PDZD9: variants seen among roughly 807,000 people sequenced by gnomAD.
PDZD9 encodes PDZ domain-containing protein 9.
PDZD9 carries 13 observed loss-of-function variants against 16.3 expected under a neutral mutation model. The ratio of observed to expected loss-of-function variants is 0.80; its 90% confidence interval spans 0.52 to 1.27. The LOEUF is 1.27. Among genes scored for constraint, PDZD9 ranks in the 50% most tolerant of loss-of-function variants. The probability of loss-of-function intolerance (pLI) is 0.00; values close to 1 mark genes in which losing one functional copy is unlikely to be tolerated. For missense variants in PDZD9, 288 were observed against 310.9 expected, an observed-to-expected ratio of 0.93 and a Z score of 0.55; for synonymous variants, 120 against 111.0, an observed-to-expected ratio of 1.08 and a Z score of -0.51.
At chr16:21,971,466 T>C in the PDZD9 span, 4 of 1,371,330 alleles carry the variant, frequency 2.9e-6, no homozygotes, top group African/African-American at 1.5e-5. Context: ...GAAAAAATAT[T>C]TTACGATTGT....
downstream of PDZD9, chr16:21,983,097 A>T: frequency 6.2e-7 from 1 of 1,613,446 alleles, no homozygotes; most frequent in Non-Finnish European, 8.5e-7. Flanking sequence ...GGCGGCAAAG[A>T]AGTTTGTTTC....
downstream of PDZD9, chr16:21,983,249 C>CT: frequency 1.6e-6 from 2 of 1,282,424 alleles, no homozygotes; most frequent in Non-Finnish European, 2.2e-6. Context: ...TCAGAAGTCT[C>CT]TAATATATCA....
At chr16:21,958,834 G>C in the PDZD9 span, among the ~76,000 whole-genome samples, 2 of 152,144 alleles carry the variant, frequency 1.3e-5, no homozygotes, top group Non-Finnish European at 2.9e-5. Context: ...AGATGTTGCA[G>C]GTTCTGTTCC....
downstream of PDZD9, chr16:21,983,377 TAATC>T (rs1898784983): frequency 1.9e-6 from 1 of 530,020 alleles, no homozygotes; most frequent in East Asian, 3.1e-5. Flanking sequence ...CTCAATGAGT[TAATC>T]AACAAGTATT....
intron 2 of PDZD9, among the ~76,000 whole-genome samples, chr16:21,991,600 A>C (rs1346734587): frequency 1.3e-5 from 2 of 152,198 alleles, no homozygotes; most frequent in Admixed American, 6.5e-5. Context: ...AAAGGAACTA[A>C]AAGTTTAGCC....
At chr16:21,977,018 C>T in the PDZD9 span, 2 of 151,904 alleles carry the variant, frequency 1.3e-5, no homozygotes, top group Admixed American at 6.6e-5. Flanking sequence ...ATAAACATAA[C>T]GAAAGACTCC....
In PDZD9 at chr16:21,984,468, T is replaced by C; in HGVS notation, c.594A>G (p.Val198=). 8 of 1,613,638 alleles carry C rather than the reference T, an allele frequency of 5.0e-6. No homozygotes were observed. Among genetic ancestry groups the C allele is most frequent in the Non-Finnish European group, 6.8e-6 (8 of 1,179,530 alleles). The change falls in exon 4 of 4, where the codon GTA becomes GTG. Residue 198 remains valine, a synonymous_variant. Transcript: ENST00000424898. The part of the protein sequence containing the change: ...GYKKKNHTIS[V]GKDINCDVMI... ...TCACGTCACAATTAATGTCTTTTCC[T>C]ACACTAATAGTATGGTTCTTCTTCT...
chr16:21,996,261 G>C, intron 2 of PDZD9, 61 bp downstream of exon 2: 1 of 1,457,996 alleles, frequency 6.9e-7, no homozygotes, highest in Middle Eastern at 2.4e-4. Context: ...GGTGACCCGA[G>C]TCACCCTGCA....
chr16:21,989,852 A>G (rs537943025), intron 2 of PDZD9, among the ~76,000 whole-genome samples: 62 of 152,240 alleles, frequency 4.1e-4, no homozygotes, highest in African/African-American at 1.4e-3. Context: ...GAAGGAAGCT[A>G]AAAAGACCAA....
chr16:21,984,260 A>G lies in PDZD9; in HGVS notation c.*7T>C, dbSNP rs1445511327. 1.5e-5 allele frequency: 24 copies of G among 1,601,764 alleles called. No homozygotes were observed. The Admixed American group carries it at 4.1e-4, about 27-fold the overall frequency. ...GCAAGATAAATGCTCATATGACCAC[A>G]GATTTGCTAACCAACCTTTGATACC... On this transcript the variant is annotated 3_prime_UTR_variant, in exon 4 of 4. Transcript: ENST00000424898.
chr16:21,962,882 A>G, the PDZD9 span: 4 of 1,613,872 alleles, frequency 2.5e-6, no homozygotes, highest in Non-Finnish European at 3.4e-6. Flanking sequence ...GAATCCGCAG[A>G]CTCGTAAGTA....
At chr16:21,968,619 C>T in the PDZD9 span, 3 of 1,598,388 alleles carry the variant, frequency 1.9e-6, no homozygotes, top group Admixed American at 1.8e-5. Context: ...GTGTTTTTAA[C>T]TTCCTCAGTT....
the PDZD9 span, chr16:21,961,403 C>T: frequency 2.8e-6 from 1 of 354,490 alleles, no homozygotes; most frequent in Middle Eastern, 3.7e-4. Flanking sequence ...ATCCATACGT[C>T]AACATAGCAC....
downstream of PDZD9, chr16:21,980,786 G>A (rs1346899636): frequency 2.6e-6 from 4 of 1,509,528 alleles, no homozygotes; most frequent in Non-Finnish European, 3.6e-6. Context: ...GCGTCCTTGG[G>A]CAGTGTATTA....
the PDZD9 span, among the ~76,000 whole-genome samples, chr16:21,968,162 T>C: frequency 3.3e-5 from 5 of 151,958 alleles, no homozygotes; most frequent in Non-Finnish European, 7.4e-5. Flanking sequence ...CCACCATGCC[T>C]GGCTAATTTT....
At chr16:21,976,079 G>A in the PDZD9 span, 3 of 821,894 alleles carry the variant, frequency 3.7e-6, no homozygotes, top group Non-Finnish European at 4.1e-6. Context: ...CCTTCCATCT[G>A]TGTTTTTGCC....
chr16:21,999,575 A>G (rs1397904617), intron 1 of PDZD9: 1 of 152,384 alleles, frequency 6.6e-6, no homozygotes, highest in Non-Finnish European at 1.5e-5. Context: ...TGCCTAGTTC[A>G]GCCTCTTTGC....
chr16:21,971,218 G>T, the PDZD9 span, among the ~76,000 whole-genome samples: 13 of 152,052 alleles, frequency 8.5e-5, no homozygotes. Flanking sequence ...TTAGAAATTT[G>T]TAAATTATGA....
chr16:21,995,876 C>T (rs1197697019), intron 2 of PDZD9, among the ~76,000 whole-genome samples: 1 of 152,228 alleles, frequency 6.6e-6, no homozygotes, highest in Non-Finnish European at 1.5e-5. Flanking sequence ...ACTGCAACCT[C>T]CACTTCCTGG....
Sources: allele counts gnomAD v4.1 joint callset (sites outside exome capture counted in the v4.1 genomes callset), GRCh38; gene constraint gnomAD v4.1.1; transcripts MANE v1.5; gene names NCBI Gene and HGNC (gene_info 2026-07-23, HGNC 2026-07-21).